WWOX: variants seen among roughly 807,000 people sequenced by gnomAD.
WWOX encodes WW domain containing oxidoreductase, also known as WW domain-containing oxidoreductase.
Under a neutral mutation model 46.2 loss-of-function variants are expected in WWOX, and 69 were observed. The observed-to-expected ratio is 1.49, with a 90% confidence interval of 1.23 to 1.82. The LOEUF (loss-of-function observed/expected upper bound fraction) is 1.82. WWOX is among the 40% of genes most tolerant of loss of function. The pLI is 0.00. For synonymous variants in WWOX, 359 were observed against 202.6 expected (o/e 1.77, Z -6.56); for missense variants, 919 against 542.6 (o/e 1.69, Z -6.89).
chr16:78,526,797 G>A (rs1160150005), intron 8 of WWOX, among the ~76,000 whole-genome samples: 2 of 152,166 alleles, frequency 1.3e-5, no homozygotes, highest in East Asian at 1.9e-4. Flanking sequence ...TAGGAAATTT[G>A]GGTTGAGGGT....
intron 1 of WWOX, among the ~76,000 whole-genome samples, chr16:78,104,204 C>G (rs577269974): frequency 2.0e-5 from 3 of 149,444 alleles, no homozygotes; most frequent in African/African-American, 5.0e-5. Flanking sequence ...AAGTCTAGAT[C>G]TCCCTGCTAA....
intron 8 of WWOX, among the ~76,000 whole-genome samples, chr16:78,615,878 G>T (rs1236787157): frequency 6.6e-6 from 1 of 151,834 alleles, no homozygotes; most frequent in Non-Finnish European, 1.5e-5. Context: ...AGCCTCCCGA[G>T]TAGTTGGGAC....
chr16:78,879,294 ACACCGTAAGAGC>A (rs2044294874), intron 8 of WWOX, among the ~76,000 whole-genome samples: 1 of 152,154 alleles, frequency 6.6e-6, no homozygotes, highest in Non-Finnish European at 1.5e-5. Context: ...TCAGTATGAG[ACACCGTAAGAGC>A]TTGATAAATG....
At chr16:78,644,093 A>G (rs1430982935) in intron 8 of WWOX, among the ~76,000 whole-genome samples, 2 of 152,098 alleles carry the variant, frequency 1.3e-5, no homozygotes, top group African/African-American at 2.4e-5. Flanking sequence ...ATGGTGGTGC[A>G]TGCCTGTAAT....
intron 8 of WWOX, among the ~76,000 whole-genome samples, chr16:78,579,406 C>T (rs933744803): frequency 1.3e-5 from 2 of 152,118 alleles, no homozygotes; most frequent in Admixed American, 6.5e-5. Context: ...CTGAGTTCAC[C>T]AGGCAAACTG....
chr16:78,643,531 T>G (rs891525177), intron 8 of WWOX, among the ~76,000 whole-genome samples: 1 of 152,112 alleles, frequency 6.6e-6, no homozygotes, highest in Non-Finnish European at 1.5e-5. Context: ...TCAAGGCAAA[T>G]GACTTCCACA....
rs73565242 is a variant in WWOX at position 78,646,351 on chromosome 16, C to G, written c.1056+213599C>G. The stretch of plus-strand genomic sequence containing the variant: ...TATTCTGCCTGCCATCCTGTCCTAA[C>G]TAAAGAAAGTAAGGTCCCTCCATCC... On this transcript the variant is annotated intron_variant, in intron 8 of 8. Transcript: ENST00000566780. 6.9e-3 allele frequency among the ~76,000 whole-genome samples: 1,054 copies of G among 152,272 alleles called. 13 individuals are homozygous for G. The highest frequency in any genetic ancestry group is 0.024 in the African/African-American group (1,008 of 41,540).
intron 8 of WWOX, among the ~76,000 whole-genome samples, chr16:78,889,392 C>G (rs1005858393): frequency 7.8e-6 from 1 of 127,746 alleles, no homozygotes; most frequent in Non-Finnish European, 1.6e-5. Context: ...AGCCTAAACC[C>G]TGCAAACTGG....
chr16:78,331,728 T>C (rs1384969626), intron 5 of WWOX, among the ~76,000 whole-genome samples: 1 of 152,184 alleles, frequency 6.6e-6, no homozygotes, highest in Non-Finnish European at 1.5e-5. Context: ...TAAATGCCTC[T>C]AGCTGTGTAG....
intron 8 of WWOX, among the ~76,000 whole-genome samples, chr16:78,493,584 G>A (rs2084838905): frequency 6.6e-6 from 1 of 152,102 alleles, no homozygotes; most frequent in Non-Finnish European, 1.5e-5. Flanking sequence ...CTTTTTACAA[G>A]TTCTGATTAA....
intron 8 of WWOX, among the ~76,000 whole-genome samples, chr16:78,532,745 C>G (rs898098778): frequency 1.3e-5 from 2 of 151,696 alleles, no homozygotes; most frequent in Non-Finnish European, 2.9e-5. Context: ...CTTATGATAC[C>G]GTCAGATTCC....
intron 8 of WWOX, among the ~76,000 whole-genome samples, chr16:78,497,615 G>C (rs929663316): frequency 1.3e-5 from 2 of 152,174 alleles, no homozygotes; most frequent in African/African-American, 4.8e-5. Context: ...TGCAAGAAAA[G>C]AATCTGATGT....
chr16:78,431,029 T>C (rs970196451), intron 7 of WWOX, among the ~76,000 whole-genome samples: 9 of 152,344 alleles, frequency 5.9e-5, no homozygotes, highest in African/African-American at 9.6e-5. Context: ...AATGAACTTA[T>C]AGAAGCAGAA....
chr16:78,800,895 G>A (rs115499919), intron 8 of WWOX, among the ~76,000 whole-genome samples: 1,968 of 152,130 alleles, frequency 0.013, 38 homozygotes, highest in African/African-American at 0.044. Flanking sequence ...GCTTTTGCAA[G>A]GCATTCCCCA....
At chr16:78,304,090 C>A (rs767463667) in intron 5 of WWOX, among the ~76,000 whole-genome samples, 6 of 152,182 alleles carry the variant, frequency 3.9e-5, no homozygotes, top group Non-Finnish European at 8.8e-5. Flanking sequence ...AACATAGCTT[C>A]GGTGCTCCTT....
intron 8 of WWOX, among the ~76,000 whole-genome samples, chr16:78,942,094 A>G (rs1274238111): frequency 6.6e-6 from 1 of 152,174 alleles, no homozygotes; most frequent in Non-Finnish European, 1.5e-5. Flanking sequence ...AGTTCAAATT[A>G]CGTATGACTG....
At chr16:78,642,501 C>T (rs964607711) in intron 8 of WWOX, among the ~76,000 whole-genome samples, 4 of 152,128 alleles carry the variant, frequency 2.6e-5, no homozygotes, top group Non-Finnish European at 5.9e-5. Context: ...AGGTCAGATT[C>T]AATGCTGCCT....
At chr16:78,331,923 C>G (rs926914410) in intron 5 of WWOX, among the ~76,000 whole-genome samples, 1 of 152,142 alleles carries the variant, frequency 6.6e-6, no homozygotes, top group Non-Finnish European at 1.5e-5. Flanking sequence ...AATGTGCCAA[C>G]AGGGAGAAGT....
chr16:78,437,622 G>C (rs977448794), intron 8 of WWOX, among the ~76,000 whole-genome samples: 6 of 152,088 alleles, frequency 3.9e-5, no homozygotes, highest in Non-Finnish European at 7.4e-5. Context: ...GGGGCGTCCT[G>C]GGAGGGAAGT....
Sources: allele counts gnomAD v4.1 joint callset (sites outside exome capture counted in the v4.1 genomes callset), GRCh38; gene constraint gnomAD v4.1.1; transcripts MANE v1.5; gene names NCBI Gene and HGNC (gene_info 2026-07-23, HGNC 2026-07-21).